Variants in NRCAM observed in about 807,000 individuals in gnomAD.
NRCAM encodes NgCAM-related cell adhesion molecule.
A neutral mutation model predicts 156.5 loss-of-function variants in NRCAM; 83 were observed. The ratio of observed to expected loss-of-function variants is 0.53; its 90% CI spans 0.44 to 0.64. The LOEUF (loss-of-function observed/expected upper bound fraction) is 0.64. Among genes scored for constraint, NRCAM ranks in the 30% least tolerant of loss-of-function variants. The probability of loss-of-function intolerance (pLI) is 0.00; values close to 1 mark genes in which losing one functional copy is unlikely to be tolerated. For synonymous variants in NRCAM, 538 were observed against 563.9 expected (o/e 0.95, Z 0.65); for missense variants, 1,417 against 1,597.3 (o/e 0.89, Z 1.92).
intron 6 of NRCAM, among the ~76,000 whole-genome samples, chr7:108,232,759 TAAAGA>T (rs2094479829): frequency 6.6e-6 from 1 of 152,082 alleles, no homozygotes; most frequent in South Asian, 2.1e-4. Context: ...TTTGACTCAA[TAAAGA>T]AATCATGCAC....
At chr7:108,447,885 C>A (rs1310545893) in intron 1 of NRCAM, among the ~76,000 whole-genome samples, 2 of 152,152 alleles carry the variant, frequency 1.3e-5, no homozygotes, top group African/African-American at 2.4e-5. Context: ...GGAGACTATT[C>A]TCCATTAGCC....
intron 3 of NRCAM, among the ~76,000 whole-genome samples, chr7:108,285,783 T>A (rs757115570): frequency 6.6e-6 from 1 of 152,226 alleles, no homozygotes; most frequent in African/African-American, 2.4e-5. Context: ...TGTTTGTGTA[T>A]ACAATTATAT....
chr7:108,444,665 T>G (rs1482706253), intron 1 of NRCAM, among the ~76,000 whole-genome samples: 1 of 151,784 alleles, frequency 6.6e-6, no homozygotes, highest in Non-Finnish European at 1.5e-5. Flanking sequence ...TCCACAGGCC[T>G]TCTTCTACTC....
chr7:108,427,356 C>T (rs1028895261), intron 1 of NRCAM, among the ~76,000 whole-genome samples: 12 of 152,158 alleles, frequency 7.9e-5, no homozygotes, highest in Admixed American at 3.3e-4. Context: ...CCTGTGCCTC[C>T]GACAAGGCTG....
At chr7:108,330,732 C>T (rs2099118371) in intron 2 of NRCAM, among the ~76,000 whole-genome samples, 1 of 152,200 alleles carries the variant, frequency 6.6e-6, no homozygotes, top group Admixed American at 6.5e-5. Flanking sequence ...GCAATCACTC[C>T]TTTCACAAAA....
intron 32 of NRCAM, among the ~76,000 whole-genome samples, chr7:108,154,442 T>G (rs1318924996): frequency 6.6e-6 from 1 of 152,208 alleles, no homozygotes; most frequent in Non-Finnish European, 1.5e-5. Context: ...TTGATTCATG[T>G]GGGTTTTTAC....
In NRCAM at chr7:108,184,247, C is replaced by T. The variant is rs759549444; in HGVS notation, c.2298G>A (p.Thr766=). 8.7e-6 allele frequency: 14 copies of T among 1,613,552 alleles called. No individual in the cohort carries two copies. Among genetic ancestry groups the T allele is most frequent in the South Asian group, 4.4e-5 (4 of 91,078 alleles). The change falls in exon 22 of 33, where the codon ACG becomes ACA. Residue 766 remains threonine, a synonymous_variant. Coordinates refer to ENST00000379028, the MANE Select transcript of NRCAM (RefSeq NM_001037132.4). ...LGSEPDNLVI[T]WKPLNGFESN... ...TGAAGGCATCATAGCTCACCTTCCA[C>T]GTAATCACCAAATTATCAGGCTCTG...
chr7:108,337,129 G>A (rs575487060), intron 2 of NRCAM, among the ~76,000 whole-genome samples: 1 of 151,894 alleles, frequency 6.6e-6, no homozygotes, highest in South Asian at 2.1e-4. Context: ...CTGGGCTGGG[G>A]ACCCACACCT....
intron 3 of NRCAM, among the ~76,000 whole-genome samples, chr7:108,283,347 T>C (rs2097928401): frequency 6.6e-6 from 1 of 152,202 alleles, no homozygotes; most frequent in South Asian, 2.1e-4. Flanking sequence ...ATCATAATAT[T>C]TGGTAGAAAG....
At position 108,157,718 on chromosome 7, in the gene NRCAM, A is replaced by G. The variant is rs145397781; in HGVS notation, c.3677+1745T>C. On this transcript the variant is annotated intron_variant, in intron 32 of 32. Coordinates refer to ENST00000379028, the MANE Select transcript of NRCAM (RefSeq NM_001037132.4). ...GGAGTAGGCAGCAGTTATCTGGGAA[A>G]GTCACATGACCTCAGATCATGGTTT... 1.3e-3 allele frequency among the ~76,000 whole-genome samples: 201 copies of G among 152,258 alleles called. 2 individuals are homozygous for G. The highest frequency in any genetic ancestry group is 4.6e-3 in the African/African-American group (191 of 41,552).
intron 1 of NRCAM, among the ~76,000 whole-genome samples, chr7:108,425,076 G>A (rs374673444): frequency 1.3e-5 from 2 of 152,086 alleles, no homozygotes; most frequent in African/African-American, 4.8e-5. Flanking sequence ...CCAACCCCTC[G>A]ATTTCATGGA....
intron 2 of NRCAM, among the ~76,000 whole-genome samples, chr7:108,379,710 A>T (rs1159061387): frequency 6.6e-6 from 1 of 152,206 alleles, no homozygotes; most frequent in African/African-American, 2.4e-5. Context: ...AAACTTCTGA[A>T]AATAAAAAAT....
At chr7:108,262,921 C>T (rs1345767207) in intron 3 of NRCAM, among the ~76,000 whole-genome samples, 1 of 152,164 alleles carries the variant, frequency 6.6e-6, no homozygotes, top group Non-Finnish European at 1.5e-5. Flanking sequence ...TACAGACTCC[C>T]TTGGTGCAAA....
chr7:108,447,413 GCAC>G lies in NRCAM; in HGVS notation c.-332+8827_-332+8829del, dbSNP rs373149433. The stretch of plus-strand genomic sequence containing the variant: ...CCCGAGTAGCTGGGATTACAGGCAC[GCAC>G]CACCATGCCTGGCTAATTTTTGTTT... On this transcript the variant is annotated intron_variant, in intron 1 of 32. Transcript: ENST00000379028. Among the ~76,000 whole-genome samples, 30 of 151,696 alleles carry G rather than the reference GCAC, an allele frequency of 2.0e-4. No individual in the cohort carries two copies. The East Asian group carries it at 4.9e-3, about 25-fold the overall frequency.
At chr7:108,199,358 T>C (rs2076751862) in intron 13 of NRCAM, among the ~76,000 whole-genome samples, 1 of 152,254 alleles carries the variant, frequency 6.6e-6, no homozygotes, top group Non-Finnish European at 1.5e-5. Flanking sequence ...TCCCTCATTC[T>C]GTAATAGTTT....
chr7:108,409,461 C>A (rs1287665833), intron 1 of NRCAM, among the ~76,000 whole-genome samples: 1 of 152,182 alleles, frequency 6.6e-6, no homozygotes, highest in Non-Finnish European at 1.5e-5. Context: ...TCTGACATCT[C>A]CTGTTGACCT....
intron 1 of NRCAM, among the ~76,000 whole-genome samples, chr7:108,405,841 G>A (rs892315133): frequency 3.9e-5 from 6 of 152,108 alleles, no homozygotes; most frequent in African/African-American, 9.7e-5. Flanking sequence ...ACCTTAGGTC[G>A]GGTGCAGTGG....
At chr7:108,361,287 G>T (rs1056162577) in intron 2 of NRCAM, among the ~76,000 whole-genome samples, 1 of 152,176 alleles carries the variant, frequency 6.6e-6, no homozygotes, top group African/African-American at 2.4e-5. Context: ...GTTAAACATA[G>T]TCTTACCATA....
rs546934958 is a variant in NRCAM, at chr7:108,188,499, A to G, written c.2035+1146T>C. Among the ~76,000 whole-genome samples, 8 of 152,188 alleles carry G rather than the reference A, an allele frequency of 5.3e-5. No individual in the cohort carries two copies. In the South Asian group the frequency reaches 1.7e-3, roughly 32 times the overall value. Reference sequence around the variant, plus strand: ...TATCCTCATCTAAAATATAAGCTCCATTACCACAGAGATTTTTGACTATTT... The same window carrying G: ...TATCCTCATCTAAAATATAAGCTCCGTTACCACAGAGATTTTTGACTATTT... On this transcript the variant is annotated intron_variant, in intron 20 of 32. Coordinates refer to ENST00000379028, the MANE Select transcript of NRCAM (RefSeq NM_001037132.4).
Sources: gnomAD v4.1 joint callset for allele counts (sites outside exome capture counted in the v4.1 genomes callset) on GRCh38, gnomAD v4.1.1 for gene constraint, MANE v1.5 for transcripts, NCBI Gene and HGNC (gene_info 2026-07-23, HGNC 2026-07-21) for gene names.